Variants in AUTS2 observed in about 807,000 individuals in gnomAD.
The protein encoded by AUTS2 is autism susceptibility gene 2 protein.
A neutral mutation model predicts 112.4 loss-of-function variants in AUTS2; 17 were observed. That is an observed-to-expected ratio of 0.15 (90% confidence interval 0.10 to 0.23). The LOEUF (loss-of-function observed/expected upper bound fraction) is 0.23. Among genes scored for constraint, AUTS2 ranks in the 10% least tolerant of loss-of-function variants. The pLI is 1.00. For missense variants in AUTS2, 1,510 were observed against 1,701.6 expected, an observed-to-expected ratio of 0.89 and a Z score of 1.98; for synonymous variants, 751 against 702.7, an observed-to-expected ratio of 1.07 and a Z score of -1.09.
At chr7:69,910,425 A>T (rs1421803968) in intron 2 of AUTS2, among the ~76,000 whole-genome samples, 1 of 152,182 alleles carries the variant, frequency 6.6e-6, no homozygotes, top group Non-Finnish European at 1.5e-5. Flanking sequence ...TGAGTATATT[A>T]GTTCTTTTCC....
intron 1 of AUTS2, among the ~76,000 whole-genome samples, chr7:69,688,092 C>T (rs565981767): frequency 3.9e-5 from 6 of 152,208 alleles, no homozygotes; most frequent in Non-Finnish European, 7.3e-5. Context: ...TGAGTAAATA[C>T]GCATTTGAAC....
chr7:69,905,810 C>T (rs1441163412), intron 2 of AUTS2, among the ~76,000 whole-genome samples: 1 of 152,130 alleles, frequency 6.6e-6, no homozygotes, highest in East Asian at 1.9e-4. Flanking sequence ...ACATTAACTA[C>T]CACCTCATAA....
chr7:70,135,240 A>T (rs1460068089), intron 4 of AUTS2, among the ~76,000 whole-genome samples: 1 of 152,158 alleles, frequency 6.6e-6, no homozygotes, highest in Admixed American at 6.6e-5. Context: ...TCACTTCATT[A>T]TATTTATTTA....
Position 70,790,294 on chromosome 7 carries a change from G to A in AUTS2, c.3078G>A (p.Val1026=). Residue 1026 remains valine (V), a synonymous_variant, in exon 19 of 19, where the codon GTG becomes GTA. Transcript: ENST00000342771. The surrounding 1 kb of genome is among the most constrained non-coding windows in gnomAD (Gnocchi z 7.6). ...PGPLASMPMT[V]GVTGIHPMNS... is the part of the protein sequence containing the mutation. ...CCCTGGCCTCGATGCCCATGACGGT[G>A]GGGGTGACGGGCATTCACCCCATGA... is the stretch of plus-strand genomic sequence containing the variant. 6.2e-7 allele frequency: 1 copy of A among 1,613,532 alleles called. No individual in the cohort carries two copies. The highest frequency in any genetic ancestry group is 1.1e-5 in the South Asian group (1 of 91,068).
At chr7:69,716,820 C>T (rs1040541927) in intron 1 of AUTS2, among the ~76,000 whole-genome samples, 2 of 151,666 alleles carry the variant, frequency 1.3e-5, no homozygotes, top group African/African-American at 2.4e-5. Flanking sequence ...TCAGAGAACC[C>T]GGGGGGGAAA....
At chr7:70,648,367 G>C (rs572158652) in intron 5 of AUTS2, among the ~76,000 whole-genome samples, 1 of 152,268 alleles carries the variant, frequency 6.6e-6, no homozygotes, top group South Asian at 2.1e-4. Context: ...CGAGGGAGAG[G>C]AATGGGCTGA....
chr7:70,070,281 A>G (rs1285886810), intron 2 of AUTS2, among the ~76,000 whole-genome samples: 13 of 152,218 alleles, frequency 8.5e-5, no homozygotes, highest in African/African-American at 2.9e-4. Context: ...ATTTAAACAG[A>G]AAGTATTTCA....
At chr7:70,123,782 G>A (rs1210849456) in intron 3 of AUTS2, among the ~76,000 whole-genome samples, 1 of 152,112 alleles carries the variant, frequency 6.6e-6, no homozygotes, top group African/African-American at 2.4e-5. Flanking sequence ...CCGTGTATTT[G>A]CTATTGTGAG....
intron 4 of AUTS2, among the ~76,000 whole-genome samples, chr7:70,180,210 G>A (rs1224322460): frequency 6.6e-6 from 1 of 152,130 alleles, no homozygotes; most frequent in Non-Finnish European, 1.5e-5. Context: ...TCTGTAAGAA[G>A]AAAAATATGA....
At chr7:70,528,422 C>T (rs1799945883) in intron 5 of AUTS2, among the ~76,000 whole-genome samples, 2 of 152,072 alleles carry the variant, frequency 1.3e-5, no homozygotes, top group South Asian at 4.1e-4. Context: ...GAGGTAAGAG[C>T]ATGAAGTATG....
intron 1 of AUTS2, among the ~76,000 whole-genome samples, chr7:69,605,266 C>A (rs566560582): frequency 6.6e-6 from 1 of 152,208 alleles, no homozygotes; most frequent in Non-Finnish European, 1.5e-5. Context: ...AGCTTGTAGT[C>A]GGTGCGTGGG....
chr7:70,293,152 C>T (rs941953268), intron 4 of AUTS2: 1 of 152,164 alleles, frequency 6.6e-6, no homozygotes, highest in African/African-American at 2.4e-5. Flanking sequence ...CACTGTTTCT[C>T]CCTGGAGACT....
chr7:70,071,343 G>T (rs1297486597), intron 2 of AUTS2, among the ~76,000 whole-genome samples: 1 of 152,156 alleles, frequency 6.6e-6, no homozygotes, highest in Non-Finnish European at 1.5e-5. Context: ...GCTGGTACCT[G>T]GTCTGCATCC....
chr7:69,736,261 G>C (rs1237720680), intron 1 of AUTS2, among the ~76,000 whole-genome samples: 1 of 152,208 alleles, frequency 6.6e-6, no homozygotes, highest in East Asian at 1.9e-4. Context: ...ACTTGGCAAA[G>C]AGGAATAAAG....
chr7:70,277,768 A>T lies in AUTS2; in HGVS notation c.660+143197A>T, dbSNP rs77578411. Among the ~76,000 whole-genome samples the T allele has an allele frequency of 2.9e-3, 437 of 152,320 alleles. 1 individual carries two copies. Among genetic ancestry groups the T allele is most frequent in the African/African-American group, 9.7e-3 (402 of 41,572 alleles). Reference sequence around the variant, plus strand: ...AGATTTCTGTTTTTTGTTGTTGTGTATGTCAGGGCCCAGACTATGTAAATG... The same window carrying T: ...AGATTTCTGTTTTTTGTTGTTGTGTTTGTCAGGGCCCAGACTATGTAAATG... On this transcript the variant is annotated intron_variant, in intron 4 of 18. Transcript: ENST00000342771.
intron 2 of AUTS2, among the ~76,000 whole-genome samples, chr7:70,004,170 A>AT (rs1418809654): frequency 2.7e-5 from 2 of 75,298 alleles, no homozygotes; most frequent in African/African-American, 1.2e-4. Context: ...GAATATATAT[A>AT]ATATGAATGT....
chr7:70,697,502 A>C (rs1440309795), intron 5 of AUTS2, among the ~76,000 whole-genome samples: 2 of 151,948 alleles, frequency 1.3e-5, no homozygotes, highest in Non-Finnish European at 2.9e-5. Context: ...ACTAAATTGA[A>C]TATCCTCTTT....
chr7:69,644,280 A>G (rs2533440), intron 1 of AUTS2, among the ~76,000 whole-genome samples: 108,249 of 151,886 alleles, frequency 0.71, 38,629 homozygotes, highest in East Asian at 0.78. Context: ...AGTCATTCCC[A>G]TTCTTTGCTG....
At chr7:70,620,169 C>T (rs1016528314) in intron 5 of AUTS2, among the ~76,000 whole-genome samples, 27 of 152,240 alleles carry the variant, frequency 1.8e-4, no homozygotes, top group African/African-American at 6.5e-4. Context: ...AGCACTGGTA[C>T]ACCTCAATTT....
Sources: gnomAD v4.1 joint callset for allele counts (sites outside exome capture counted in the v4.1 genomes callset) on GRCh38, gnomAD v4.1.1 for gene constraint, Gnocchi (gnomAD v3.1) non-coding constraint, MANE v1.5 for transcripts, NCBI Gene and HGNC (gene_info 2026-07-23, HGNC 2026-07-21) for gene names.